Variants in EP300 observed in about 807,000 individuals in gnomAD.
EP300 encodes the protein histone acetyltransferase p300.
EP300 carries 31 observed loss-of-function variants against 264.0 expected under a neutral mutation model. The ratio of observed to expected loss-of-function variants is 0.12; its 90% confidence interval spans 0.09 to 0.16. The LOEUF is 0.16. Ranked by LOEUF, EP300 falls within the 10% of genes least tolerant of loss-of-function variation. The pLI, the probability that EP300 is intolerant of heterozygous loss-of-function variation, is 1.00. For missense variants in EP300, 2,766 were observed against 3,052.9 expected (o/e 0.91, Z 2.21); for synonymous variants, 1,340 against 1,045.4 (o/e 1.28, Z -5.44).
At chr22:41,137,356 C>A (rs147227633) in intron 7 of EP300, among the ~76,000 whole-genome samples, 969 of 92,536 alleles carry the variant, frequency 0.01, no homozygotes, top group African/African-American at 0.02. Flanking sequence ...GACTTTGTCT[C>A]AAAAAAAAAA....
chr22:41,129,759 C>A, intron 4 of EP300, 131 bp from the exon 5 acceptor site: 1 of 710,306 alleles, frequency 1.4e-6, no homozygotes, highest in Non-Finnish European at 2.5e-6. Flanking sequence ...ATAGGAGCTA[C>A]CTTATAGGGC....
At position 41,177,915 on chromosome 22, in the gene EP300, A is replaced by G. The variant is rs1407259552; in HGVS notation, c.6204A>G (p.Gln2068=). 1.9e-6 allele frequency: 3 copies of G among 1,614,100 alleles called. No homozygotes were observed. Among genetic ancestry groups the G allele is most frequent in the African/African-American group, 1.3e-5 (1 of 74,936 alleles). Residue 2068 remains glutamine, a synonymous_variant, in exon 31 of 31, where the codon CAA becomes CAG. Coordinates refer to ENST00000263253, the MANE Select transcript of EP300 (RefSeq NM_001429.4). ...LRSPSSPLQQ[Q]QVLSILHANP... ...CTCCCAGCTCTCCCCTGCAGCAGCA[A>G]CAGGTGCTTAGTATCCTTCACGCCA...
rs1429472751 is a variant in EP300, at chr22:41,179,969, T to C, written c.*1013T>C. 1 of 225,560 alleles carries C rather than the reference T, an allele frequency of 4.4e-6. No individual in the cohort carries two copies. 14.0% of individuals were successfully genotyped at this position (225,560 alleles called of 1,614,324 possible). On this transcript the variant is annotated 3_prime_UTR_variant, in exon 31 of 31. Transcript: ENST00000263253. The stretch of plus-strand genomic sequence containing the variant: ...AGCAAAAACCCTCAACTGTTGTAAA[T>C]CATGCAATTAAAGTTGATTACTTAT...
chr22:41,130,390 C>G (rs1435650240), intron 5 of EP300, among the ~76,000 whole-genome samples: 1 of 151,898 alleles, frequency 6.6e-6, no homozygotes, highest in Non-Finnish European at 1.5e-5. Context: ...TTGTATCTTC[C>G]AAAAACTTTA....
rs1247482134 is a variant in EP300 at position 41,176,605 on chromosome 22, T to C, written c.5061+77T>C. 76 of 1,608,518 alleles carry C rather than the reference T, an allele frequency of 4.7e-5. No individual in the cohort carries two copies. In the South Asian group the frequency reaches 7.4e-4, roughly 16 times the overall value. On this transcript the variant is annotated intron_variant, in intron 30 of 30. Transcript: ENST00000263253. Reference sequence around the variant, plus strand: ...AGGGGCCATGCAGCCACGTATTTTATAGAGGCCTGTGGGATGCTAGGGGCT... The same window carrying C: ...AGGGGCCATGCAGCCACGTATTTTACAGAGGCCTGTGGGATGCTAGGGGCT...
chr22:41,092,940 G>T lies in EP300; in HGVS notation c.-65G>T. ...CCCCTGGGTGCGGCGCGGGGACCCC[G>T]GGCCGAAGAAGAGATTTCCTGAGGA... is the stretch of plus-strand genomic sequence containing the variant. On this transcript the variant is annotated 5_prime_UTR_variant, in exon 1 of 31. Transcript: ENST00000263253. 6.3e-7 allele frequency: 1 copy of T among 1,593,448 alleles called. No individual in the cohort carries two copies. Among genetic ancestry groups the T allele is most frequent in the Non-Finnish European group, 8.6e-7 (1 of 1,162,066 alleles).
chr22:41,124,971 T>C (rs911054459), intron 2 of EP300, among the ~76,000 whole-genome samples: 4 of 152,120 alleles, frequency 2.6e-5, no homozygotes, highest in Admixed American at 2.0e-4. Flanking sequence ...AGGGTCTCAC[T>C]CTGTTGCCGA....
intron 25 of EP300, chr22:41,169,165 G>A: frequency 1.8e-6 from 1 of 553,664 alleles, no homozygotes; most frequent in Non-Finnish European, 3.2e-6. Context: ...GGATTAAGTA[G>A]CTATGTGAAA....
intron 4 of EP300, among the ~76,000 whole-genome samples, chr22:41,129,684 T>G (rs1395969651): frequency 6.6e-6 from 1 of 152,332 alleles, no homozygotes; most frequent in East Asian, 1.9e-4. Flanking sequence ...TTGAGTACTC[T>G]GTGACTTTGT....
intron 29 of EP300, among the ~76,000 whole-genome samples, chr22:41,175,070 A>T (rs1005272002): frequency 6.6e-6 from 1 of 152,184 alleles, no homozygotes; most frequent in African/African-American, 2.4e-5. Context: ...GGTAATGATT[A>T]TTAACAATTA....
rs182520449 is a variant in EP300 at position 41,100,516 on chromosome 22, G to A, written c.94+7418G>A. ...TTAGCCTTCCGTATCTGAGGGTTCC[G>A]TGTTTGTGGAGTCAGCCACAGATTG... On this transcript the variant is annotated intron_variant, in intron 1 of 30. Transcript: ENST00000263253. Among the ~76,000 whole-genome samples the A allele has an allele frequency of 3.7e-3, 560 of 152,240 alleles. 5 individuals carry two copies. The highest frequency in any genetic ancestry group is 0.017 in the Middle Eastern group (5 of 294).
intron 1 of EP300, among the ~76,000 whole-genome samples, chr22:41,094,758 CGTG>C (rs764481325): frequency 3.9e-5 from 6 of 152,004 alleles, no homozygotes; most frequent in Non-Finnish European, 5.9e-5. Flanking sequence ...TTTGGTGTAA[CGTG>C]GTAGTCGATT....
At chr22:41,162,621 C>T (rs1385252689) in intron 20 of EP300, 102 bp from the exon 21 acceptor site, 3 of 887,928 alleles carry the variant, frequency 3.4e-6, no homozygotes, top group South Asian at 2.8e-5. Flanking sequence ...CTTAAAAAAC[C>T]TGAATCTCTA....
chr22:41,129,364 A>T lies in EP300; in HGVS notation c.1169-526A>T, dbSNP rs117969102. 1.2e-3 allele frequency among the ~76,000 whole-genome samples: 180 copies of T among 152,312 alleles called. 4 individuals are homozygous for T. In the East Asian group the frequency reaches 0.032, roughly 27 times the overall value. ...TATCTAAGGATGTGAGAAGAGAATAAATTTTAAAGGTCTTCCCATGTGGTG... is the reference window on the plus strand; with the variant it reads ...TATCTAAGGATGTGAGAAGAGAATATATTTTAAAGGTCTTCCCATGTGGTG... On this transcript the variant is annotated intron_variant, in intron 4 of 30. Transcript: ENST00000263253.
intron 3 of EP300, 48 bp from the exon 4 acceptor site, chr22:41,127,439 A>G (rs751571829): frequency 5.0e-6 from 8 of 1,609,128 alleles, no homozygotes; most frequent in Non-Finnish European, 6.8e-6. Flanking sequence ...TTATTAAGAA[A>G]TAGCACATTA....
At chr22:41,157,143 A>C (rs372112103) in intron 17 of EP300, 26 bp from the exon 18 acceptor site, 3 of 1,613,756 alleles carry the variant, frequency 1.9e-6, no homozygotes, top group Non-Finnish European at 2.5e-6. Flanking sequence ...GACTTGAGTA[A>C]TGTTTGATGT....
intron 1 of EP300, among the ~76,000 whole-genome samples, chr22:41,097,952 C>T (rs2058710940): frequency 6.6e-6 from 1 of 151,986 alleles, no homozygotes; most frequent in South Asian, 2.1e-4. Context: ...TCTCTGCCTC[C>T]CAAAGTGCTG....
intron 18 of EP300, 122 bp downstream of exon 18, chr22:41,157,530 T>C (rs2145748289): frequency 6.3e-6 from 8 of 1,270,110 alleles, no homozygotes; most frequent in Non-Finnish European, 8.7e-6. Flanking sequence ...TTTTTTTTTT[T>C]TTTTCCTTTT....
intron 1 of EP300, among the ~76,000 whole-genome samples, chr22:41,111,145 T>C (rs1415470648): frequency 6.6e-6 from 1 of 152,050 alleles, no homozygotes; most frequent in Non-Finnish European, 1.5e-5. Flanking sequence ...TTGGTATTTT[T>C]AGTGGAGACC....
Sources: gnomAD v4.1 joint callset for allele counts (sites outside exome capture counted in the v4.1 genomes callset) on GRCh38, gnomAD v4.1.1 for gene constraint, MANE v1.5 for transcripts, NCBI Gene and HGNC (gene_info 2026-07-23, HGNC 2026-07-21) for gene names.